Variants in CCDC163 observed in about 807,000 individuals in gnomAD.
CCDC163 encodes the protein transmembrane protein CCDC163.
A neutral mutation model predicts 8.2 loss-of-function variants in CCDC163; 13 were observed. The observed-to-expected ratio is 1.59, with a 90% CI of 1.04 to 2.54. The LOEUF (loss-of-function observed/expected upper bound fraction) is 2.54, where lower values mean the gene tolerates loss of function less well. Ranked by LOEUF, CCDC163 falls within the 30% of genes most tolerant of loss-of-function variation. The pLI is 0.00. For synonymous variants in CCDC163, 41 were observed against 30.9 expected (o/e 1.33, Z -1.08); for missense variants, 117 against 78.6 (o/e 1.49, Z -1.85).
chr1:45,497,507 G>C (rs1460694010), intron 2 of CCDC163, 124 bp from the exon 3 acceptor site: 4 of 606,116 alleles, frequency 6.6e-6, no homozygotes, highest in Non-Finnish European at 1.2e-5. Context: ...AAGGCCTCAA[G>C]AAGGCAAGGC....
At chr1:45,495,236 C>T in intron 4 of CCDC163, 70 bp from the exon 5 acceptor site, 1 of 774,342 alleles carries the variant, frequency 1.3e-6, no homozygotes, top group South Asian at 1.4e-5. Context: ...GAACTAGGCC[C>T]TAGGCCTTTC....
intron 2 of CCDC163, among the ~76,000 whole-genome samples, chr1:45,497,799 G>C (rs61788326): frequency 6.9e-6 from 1 of 144,120 alleles, no homozygotes; most frequent in Non-Finnish European, 1.5e-5. Flanking sequence ...CCATCCGGGA[G>C]GTGAGGGGTG....
rs1269940190 is a variant in CCDC163 at position 45,499,529 on chromosome 1, C to G, written c.78+3G>C. 3 of 779,012 alleles carry G rather than the reference C, an allele frequency of 3.9e-6. No individual in the cohort carries two copies. The Admixed American group carries it at 5.1e-5, about 13-fold the overall frequency. 48.3% of individuals were successfully genotyped at this position (779,012 alleles called of 1,614,324 possible). On this transcript the variant is annotated splice_donor_region_variant and intron_variant, in intron 1 of 4. Coordinates refer to ENST00000629482, the MANE Select transcript of CCDC163 (RefSeq NM_001102601.3). ...AAACTGGGGACCTCCACCAACCCCT[C>G]ACCTTATTCCGGACCACATTTCCAT...
At chr1:45,498,741 T>C (rs12086880) in intron 2 of CCDC163, 1,833 of 160,384 alleles carry the variant, frequency 0.011, 29 homozygotes, top group African/African-American at 0.039. Context: ...ACAACAGGTG[T>C]GTGGCAAAAT....
Position 45,497,446 on chromosome 1 carries a change from T to C in CCDC163, c.178-63A>G, listed in dbSNP as rs1654264074. 18 of 735,600 alleles carry C rather than the reference T, an allele frequency of 2.4e-5. No homozygotes were observed. In the South Asian group the frequency reaches 2.6e-4, roughly 11 times the overall value. The allele number at this position is 735,600 out of a possible 1,614,324, so 45.6% of individuals were successfully genotyped here. A position where few individuals can be genotyped will look rare whatever the true frequency, so the allele number is the denominator to read the frequency against. The stretch of plus-strand genomic sequence containing the variant: ...TAGAGTATCTAGGGTCTTGTGAAAC[T>C]CTTAGAGAGGATGATCCCCAACTTG... On this transcript the variant is annotated intron_variant, in intron 2 of 4. Coordinates refer to ENST00000629482, the MANE Select transcript of CCDC163 (RefSeq NM_001102601.3).
intron 4 of CCDC163, chr1:45,495,562 A>G: frequency 1.4e-6 from 1 of 702,488 alleles, no homozygotes; most frequent in East Asian, 2.7e-5. Flanking sequence ...AGGGGAACAG[A>G]ACCAGAAACA....
At chr1:45,496,158 C>G (rs1203356230) in intron 4 of CCDC163, 2 of 339,992 alleles carry the variant, frequency 5.9e-6, no homozygotes, top group South Asian at 2.5e-5. Context: ...ACCCATACCC[C>G]CTGACCTAAG....
chr1:45,499,163 T>C (rs1643459714), intron 2 of CCDC163, among the ~76,000 whole-genome samples, 182 bp downstream of exon 2: 1 of 152,052 alleles, frequency 6.6e-6, no homozygotes, highest in African/African-American at 2.4e-5. Context: ...TGAGAGGAAA[T>C]CCAGGTCCCA....
chr1:45,499,323 A>G, intron 2 of CCDC163, 22 bp downstream of exon 2: 1 of 761,654 alleles, frequency 1.3e-6, no homozygotes, highest in Non-Finnish European at 2.4e-6. Flanking sequence ...AGGGCTTGGA[A>G]GTAGAAAGAG....
chr1:45,494,725 G>A lies in CCDC163; in HGVS notation c.*334C>T, dbSNP rs1373803558. 6.7e-6 allele frequency: 2 copies of A among 296,890 alleles called. No homozygotes were observed. Among genetic ancestry groups the A allele is most frequent in the East Asian group, 7.4e-5 (1 of 13,450 alleles). The allele number at this position is 296,890 out of a possible 1,614,324, so 18.4% of individuals were successfully genotyped here. ...TAATCCCAGCACTTTGGGAGGGCGAGGCGGGCAGATCACTTGAGGTCAGAA... is the reference window on the plus strand; with the variant it reads ...TAATCCCAGCACTTTGGGAGGGCGAAGCGGGCAGATCACTTGAGGTCAGAA... On this transcript the variant is annotated 3_prime_UTR_variant, in exon 5 of 5. Transcript: ENST00000629482.
rs1643490417 is a variant in CCDC163 at position 45,499,733 on chromosome 1, G to A, written c.-124C>T. The A allele has an allele frequency of 1.5e-6, 1 of 652,048 alleles. No individual in the cohort carries two copies. Among genetic ancestry groups the A allele is most frequent in the African/African-American group, 1.8e-5 (1 of 54,790 alleles). The allele number at this position is 652,048 out of a possible 1,614,324, so 40.4% of individuals were successfully genotyped here. ...CGTTAGATGGAAAGAGGGAAGTGGG[G>A]ATGCAACACTGGGGTAGGTGGATGC... On this transcript the variant is annotated 5_prime_UTR_variant, in exon 1 of 5. Coordinates refer to ENST00000629482, the MANE Select transcript of CCDC163 (RefSeq NM_001102601.3).
At chr1:45,497,677 C>T (rs1332548395) in intron 2 of CCDC163, among the ~76,000 whole-genome samples, 5 of 77,784 alleles carry the variant, frequency 6.4e-5, no homozygotes, top group African/African-American at 1.6e-4. Flanking sequence ...AGCGTCTCCG[C>T]CCGGCAGCCA....
intron 2 of CCDC163, chr1:45,498,663 A>C (rs1427349205): frequency 2.0e-5 from 3 of 153,650 alleles, no homozygotes; most frequent in Non-Finnish European, 4.3e-5. Flanking sequence ...CAAGTTAGGG[A>C]TCATCCTCTC....
intron 2 of CCDC163, among the ~76,000 whole-genome samples, chr1:45,497,679 C>G (rs61788290): frequency 8.2e-5 from 2 of 24,348 alleles, no homozygotes; most frequent in East Asian, 8.7e-4. Context: ...CGTCTCCGCC[C>G]GGCAGCCACC....
chr1:45,495,667 T>G, intron 4 of CCDC163: 1 of 56,114 alleles, frequency 1.8e-5, no homozygotes, highest in Non-Finnish European at 2.5e-5. Context: ...TTTTTTTTTT[T>G]TTTTTTTTTT....
At chr1:45,495,262 T>C in intron 4 of CCDC163, 96 bp from the exon 5 acceptor site, 11 of 752,582 alleles carry the variant, frequency 1.5e-5, no homozygotes, top group South Asian at 1.3e-4. Context: ...GAGAGGGACA[T>C]AGAGGACTGA....
At chr1:45,499,496 C>G in intron 1 of CCDC163, 36 bp downstream of exon 1, 1 of 777,358 alleles carries the variant, frequency 1.3e-6, no homozygotes, top group Non-Finnish European at 2.4e-6. Context: ...CCCTTAGCCT[C>G]CCCACGCAAA....
intron 4 of CCDC163, 29 bp from the exon 5 acceptor site, chr1:45,495,195 C>T (rs774820052): frequency 1.3e-6 from 1 of 780,756 alleles, no homozygotes; most frequent in Non-Finnish European, 2.4e-6. Flanking sequence ...GAAGAGAAAA[C>T]AAGTCATCAG....
In CCDC163 at chr1:45,496,817, T is replaced by C. The variant is rs77625766; in HGVS notation, c.263-194A>G. ...AGTGCAACAAAATACTTGGCCACAC[T>C]TCTCAGTAGCTCAGGCAGTTGGAGC... On this transcript the variant is annotated intron_variant, in intron 3 of 4. Coordinates refer to ENST00000629482, the MANE Select transcript of CCDC163 (RefSeq NM_001102601.3). 5.6e-4 allele frequency among the ~76,000 whole-genome samples: 86 copies of C among 152,326 alleles called. No individual in the cohort carries two copies. The East Asian group carries it at 0.013, about 23-fold the overall frequency.
Sources: allele counts gnomAD v4.1 joint callset (sites outside exome capture counted in the v4.1 genomes callset), GRCh38; gene constraint gnomAD v4.1.1; transcripts MANE v1.5; gene names NCBI Gene and HGNC (gene_info 2026-07-23, HGNC 2026-07-21).